Variants in TJP1 observed in about 807,000 individuals in gnomAD.
The protein encoded by TJP1 is tight junction protein 1.
A neutral mutation model predicts 194.2 loss-of-function variants in TJP1; 43 were observed. The ratio of observed to expected loss-of-function variants is 0.22; its 90% CI spans 0.17 to 0.29. The LOEUF is 0.29. Ranked by LOEUF, TJP1 falls within the 10% of genes least tolerant of loss-of-function variation. The pLI is 1.00. For synonymous variants in TJP1, 801 were observed against 779.0 expected, an observed-to-expected ratio of 1.03 and a Z score of -0.47; for missense variants, 1,971 against 2,185.7, an observed-to-expected ratio of 0.90 and a Z score of 1.96.
intron 1 of TJP1, among the ~76,000 whole-genome samples, chr15:29,959,639 G>A (rs12916675): frequency 0.5 from 75,774 of 151,916 alleles, 20,210 homozygotes; most frequent in East Asian, 0.8. Context: ...CCAGTGCTCC[G>A]GACAACTGTA....
At chr15:29,812,463 A>C (rs563952673) in intron 1 of TJP1, among the ~76,000 whole-genome samples, 23 of 152,340 alleles carry the variant, frequency 1.5e-4, no homozygotes, top group African/African-American at 4.8e-4. Context: ...CCAAGAAAAC[A>C]ATCAGCTGGG....
chr15:29,727,628 T>C (rs1220894521), intron 16 of TJP1, among the ~76,000 whole-genome samples: 1 of 152,242 alleles, frequency 6.6e-6, no homozygotes, highest in African/African-American at 2.4e-5. Flanking sequence ...TTAATGTTCC[T>C]GACATTCCTT....
intron 2 of TJP1, among the ~76,000 whole-genome samples, chr15:29,889,027 A>ACTTTCCCC: frequency 6.6e-6 from 1 of 152,246 alleles, no homozygotes; most frequent in East Asian, 1.9e-4. Context: ...ACAGAGACGC[A>ACTTTCCCC]AATCTGCTCC....
chr15:29,833,881 A>ATATATATTTTTTTT (rs1555434000), intron 2 of TJP1, among the ~76,000 whole-genome samples: 1 of 12,616 alleles, frequency 7.9e-5, no homozygotes, highest in African/African-American at 3.0e-4. Context: ...ATATATATAT[A>ATATATATTTTTTTT]TTTTTTTTTT....
At position 29,727,004 on chromosome 15, in the gene TJP1, A is replaced by G; in HGVS notation, c.2101-13T>C. On this transcript the variant is annotated splice_polypyrimidine_tract_variant and intron_variant, in intron 16 of 27. Transcript: ENST00000614355. ...AAGCATGTTTGTCCTAGAAACAGAA[A>G]GAAAAATATATACAAAGACACAAGA... 6.2e-7 allele frequency: 1 copy of G among 1,607,956 alleles called. No homozygotes were observed. The highest frequency in any genetic ancestry group is 2.2e-5 in the East Asian group (1 of 44,846).
chr15:29,863,359 AGGCTG>A (rs2052170396), intron 2 of TJP1, among the ~76,000 whole-genome samples: 1 of 152,150 alleles, frequency 6.6e-6, no homozygotes, highest in South Asian at 2.1e-4. Flanking sequence ...CAGGAGGTAG[AGGCTG>A]GAGGAAGGGT....
chr15:29,949,396 C>CTCCACCACAACCACCACCTCT (rs2055458625), intron 2 of TJP1, among the ~76,000 whole-genome samples: 21 of 138,668 alleles, frequency 1.5e-4, no homozygotes, highest in Non-Finnish European at 2.8e-4. Context: ...CCACCACCAC[C>CTCCACCACAACCACCACCTCT]ACCTCCACAA....
chr15:29,922,578 C>G (rs2054400749), intron 2 of TJP1, among the ~76,000 whole-genome samples: 1 of 152,062 alleles, frequency 6.6e-6, no homozygotes, highest in Admixed American at 6.5e-5. Flanking sequence ...TGTGAAAATG[C>G]AAGGGTTAGC....
Position 29,716,667 on chromosome 15 carries a change from C to T in TJP1, c.4146G>A (p.Glu1382=), listed in dbSNP as rs1366706267. 1 of 1,614,070 alleles carries T rather than the reference C, an allele frequency of 6.2e-7. No individual in the cohort carries two copies. Among genetic ancestry groups the T allele is most frequent in the Non-Finnish European group, 8.5e-7 (1 of 1,179,946 alleles). Reference sequence around the variant, plus strand: ...TCTGAGAATGCGCTGGCTTTGCAGGCTCGGAGAGATGGCTGGCGGCAATGT... The same window carrying T: ...TCTGAGAATGCGCTGGCTTTGCAGGTTCGGAGAGATGGCTGGCGGCAATGT... ...PAHIAASHLS[E]PAKPAHSQNQ... is the part of the protein sequence containing the mutation. Residue 1382 remains glutamate (E), a synonymous_variant, in exon 23 of 28, where the codon GAG becomes GAA. Coordinates refer to ENST00000614355, the MANE Select transcript of TJP1 (RefSeq NM_001330239.4).
At chr15:29,830,445 T>C (rs934879323) in intron 2 of TJP1, among the ~76,000 whole-genome samples, 2 of 150,420 alleles carry the variant, frequency 1.3e-5, no homozygotes, top group Non-Finnish European at 3.0e-5. Flanking sequence ...TACCATACTA[T>C]GTATATAATA....
chr15:29,719,252 A>C, intron 20 of TJP1, 114 bp from the exon 21 acceptor site: 26 of 1,250,640 alleles, frequency 2.1e-5, no homozygotes, highest in Non-Finnish European at 2.8e-5. Context: ...GGTATGTTTT[A>C]CCATTTATTA....
At position 29,741,344 on chromosome 15, in the gene TJP1, C is replaced by G; in HGVS notation, c.1243G>C (p.Asp415His). 4 of 1,591,456 alleles carry G rather than the reference C, an allele frequency of 2.5e-6. No homozygotes were observed. Among genetic ancestry groups the G allele is most frequent in the Non-Finnish European group, 3.4e-6 (4 of 1,173,948 alleles). Residue 415 changes from aspartate (D) to histidine (H), a missense_variant, in exon 10 of 28, where the codon GAT (aspartate) becomes CAT (histidine). Transcript: ENST00000614355. ...AAATTGTATTACCGAAGAATCCCAT[C>G]TTCATGAGTTGAATTAGGTAGGACA... ...DGVLPNSTHE[D>H]GILRPSMKLV...
At chr15:29,917,018 T>C (rs745707004) in intron 2 of TJP1, among the ~76,000 whole-genome samples, 14 of 152,180 alleles carry the variant, frequency 9.2e-5, no homozygotes, top group South Asian at 2.1e-4. Flanking sequence ...CTTTAGAGAA[T>C]TGACAAGGAT....
intron 2 of TJP1, among the ~76,000 whole-genome samples, chr15:29,876,805 G>A (rs16954786): frequency 0.018 from 2,776 of 152,304 alleles, 90 homozygotes; most frequent in African/African-American, 0.063. Flanking sequence ...CGGGTGCAAT[G>A]TAACATCAGG....
At chr15:29,940,064 A>C (rs1354298272) in intron 2 of TJP1, among the ~76,000 whole-genome samples, 1 of 152,206 alleles carries the variant, frequency 6.6e-6, no homozygotes, top group Non-Finnish European at 1.5e-5. Flanking sequence ...TTCCAGAATA[A>C]GCAGGCCGTA....
At chr15:29,764,357 A>T (rs2046199980) in intron 5 of TJP1, among the ~76,000 whole-genome samples, 1 of 152,204 alleles carries the variant, frequency 6.6e-6, no homozygotes, top group African/African-American at 2.4e-5. Flanking sequence ...GCATCAAAGT[A>T]ATGAAGAAAA....
intron 23 of TJP1, among the ~76,000 whole-genome samples, chr15:29,714,397 C>T (rs2042424465): frequency 6.6e-6 from 1 of 151,358 alleles, no homozygotes; most frequent in African/African-American, 2.4e-5. Context: ...TGCCACCATG[C>T]CCAGGTAATT....
At chr15:29,799,827 A>G (rs1376224914) in intron 2 of TJP1, among the ~76,000 whole-genome samples, 1 of 152,160 alleles carries the variant, frequency 6.6e-6, no homozygotes, top group Non-Finnish European at 1.5e-5. Flanking sequence ...TCCCCTTTCC[A>G]TCTTCCTAAT....
At chr15:29,944,498 T>C (rs2055207334) in intron 2 of TJP1, among the ~76,000 whole-genome samples, 1 of 152,192 alleles carries the variant, frequency 6.6e-6, no homozygotes, top group Non-Finnish European at 1.5e-5. Context: ...ACCCTATGTT[T>C]ATAAATACAG....
Sources: allele counts gnomAD v4.1 joint callset (sites outside exome capture counted in the v4.1 genomes callset), GRCh38; gene constraint gnomAD v4.1.1; transcripts MANE v1.5; gene names NCBI Gene and HGNC (gene_info 2026-07-23, HGNC 2026-07-21).